Variants in CYRIB observed in about 807,000 individuals in gnomAD.
The protein encoded by CYRIB is CYFIP-related Rac1 interactor B.
A neutral mutation model predicts 44.2 loss-of-function variants in CYRIB; 8 were observed. The observed-to-expected ratio is 0.18, with a 90% CI of 0.11 to 0.33. The LOEUF (loss-of-function observed/expected upper bound fraction) is 0.33. Among genes scored for constraint, CYRIB ranks in the 10% least tolerant of loss-of-function variants. The pLI is 1.00. For missense variants in CYRIB, 185 were observed against 382.8 expected (o/e 0.48, Z 4.31); for synonymous variants, 131 against 127.2 (o/e 1.03, Z -0.20).
At chr8:129,936,497 G>A (rs1241604677) in intron 1 of CYRIB, among the ~76,000 whole-genome samples, 1 of 152,066 alleles carries the variant, frequency 6.6e-6, no homozygotes, top group African/African-American at 2.4e-5. Context: ...ACACATCCAA[G>A]AACATTTATG....
intron 10 of CYRIB, 117 bp downstream of exon 12, chr8:129,849,126 A>G: frequency 1.0e-6 from 1 of 969,482 alleles, no homozygotes. Flanking sequence ...ACCATTTCAC[A>G]AACTATAAAT....
exon 5 of CYRIB, chr8:129,862,314 A>G: frequency 6.2e-7 from 1 of 1,612,952 alleles, no homozygotes; most frequent in Non-Finnish European, 8.5e-7. Flanking sequence ...GCAACTTCTC[A>G]TCTGCTGGAT....
chr8:129,998,912 C>A (rs2096843847), intron 1 of CYRIB, among the ~76,000 whole-genome samples: 1 of 152,058 alleles, frequency 6.6e-6, no homozygotes, highest in African/African-American at 2.4e-5. Flanking sequence ...TCTCCTTCTT[C>A]TTTTTTTGAA....
At chr8:129,946,186 GAAAATTTTTT>G (rs2094128136) in intron 2 of CYRIB, among the ~76,000 whole-genome samples, 1 of 152,180 alleles carries the variant, frequency 6.6e-6, no homozygotes, top group Non-Finnish European at 1.5e-5. Context: ...CAAAGGATCT[GAAAATTTTTT>G]AGATCCTGAT....
At chr8:129,882,768 C>A (rs181899069) in intron 2 of CYRIB, among the ~76,000 whole-genome samples, 1 of 152,036 alleles carries the variant, frequency 6.6e-6, no homozygotes, top group South Asian at 2.1e-4. Context: ...TCCAGGCACC[C>A]GAGGCTAATG....
intron 1 of CYRIB, among the ~76,000 whole-genome samples, chr8:130,014,928 C>T (rs1017038861): frequency 7.2e-5 from 11 of 152,236 alleles, no homozygotes; most frequent in African/African-American, 2.4e-4. Flanking sequence ...CCATCCCAGA[C>T]GTCAGCCCTG....
In CYRIB at chr8:130,010,876, A is replaced by G. The variant is rs569748521; in HGVS notation, c.-296+5494T>C. Among the ~76,000 whole-genome samples, 3 of 152,262 alleles carry G rather than the reference A, an allele frequency of 2.0e-5. No individual in the cohort carries two copies. The South Asian group carries it at 6.2e-4, about 32-fold the overall frequency. On this transcript the variant is annotated intron_variant, in intron 1 of 14. Transcript: ENST00000401979. ...ATGGTCTACAATCCAGAGGCATCGC[A>G]TCATGTGCAAAAGTGTTCAAAATGC...
At chr8:129,891,101 T>C (rs908662067) in intron 2 of CYRIB, among the ~76,000 whole-genome samples, 1 of 152,124 alleles carries the variant, frequency 6.6e-6, no homozygotes, top group Non-Finnish European at 1.5e-5. Flanking sequence ...CAGTGCATTA[T>C]CTGGCCCCCT....
At chr8:129,985,933 CT>C (rs1414503419) in intron 1 of CYRIB, among the ~76,000 whole-genome samples, 2 of 152,204 alleles carry the variant, frequency 1.3e-5, no homozygotes, top group African/African-American at 4.8e-5. Context: ...ACCGGCATGG[CT>C]GCCCAGCTGT....
At chr8:129,852,271 CCTT>C in exon 8 of CYRIB, 1 of 1,557,810 alleles carries the variant, frequency 6.4e-7, no homozygotes, top group Non-Finnish European at 8.7e-7. Flanking sequence ...TTCATTTTCT[CCTT>C]CTGCCTGTGG....
intron 10 of CYRIB, 96 bp downstream of exon 12, chr8:129,849,147 T>C: frequency 8.4e-7 from 1 of 1,194,284 alleles, no homozygotes; most frequent in African/African-American, 1.5e-5. Context: ...CTGAGTTTTG[T>C]GAGAGTCCGG....
chr8:129,907,534 T>C (rs2076044167), intron 1 of CYRIB, among the ~76,000 whole-genome samples: 1 of 152,096 alleles, frequency 6.6e-6, no homozygotes, highest in Non-Finnish European at 1.5e-5. Context: ...ATGGCACATG[T>C]ATATGTATGT....
At chr8:129,876,815 A>C (rs532625189) in intron 3 of CYRIB, among the ~76,000 whole-genome samples, 2 of 150,940 alleles carry the variant, frequency 1.3e-5, no homozygotes, top group African/African-American at 2.4e-5. Flanking sequence ...CAGATTAATA[A>C]AACAGTAAAA....
chr8:129,894,413 C>G (rs1486902897), intron 2 of CYRIB: 1 of 152,200 alleles, frequency 6.6e-6, no homozygotes, highest in Admixed American at 6.5e-5. Flanking sequence ...TATGGGCCAT[C>G]TGTGAAGTGT....
At chr8:129,897,804 C>T (rs1476784365) in intron 2 of CYRIB, among the ~76,000 whole-genome samples, 1 of 151,952 alleles carries the variant, frequency 6.6e-6, no homozygotes, top group East Asian at 1.9e-4. Context: ...TCACTCTTGT[C>T]ACCCAGGCTG....
chr8:129,862,158 A>C, intron 5 of CYRIB, 71 bp downstream of exon 7: 1 of 1,146,008 alleles, frequency 8.7e-7, no homozygotes, highest in East Asian at 2.4e-5. Flanking sequence ...ACATAAAAAA[A>C]CTCTAAACTT....
chr8:129,914,595 C>G (rs1324419449), intron 1 of CYRIB, among the ~76,000 whole-genome samples: 2 of 152,190 alleles, frequency 1.3e-5, no homozygotes, highest in African/African-American at 2.4e-5. Flanking sequence ...GTTCTAATTA[C>G]TCTTGAAAAG....
chr8:129,872,359 A>G (rs187623592), intron 3 of CYRIB, among the ~76,000 whole-genome samples: 2 of 152,276 alleles, frequency 1.3e-5, no homozygotes, highest in Non-Finnish European at 2.9e-5. Flanking sequence ...ACACAAACAT[A>G]TGGGCATTTT....
chr8:129,962,105 C>T lies in CYRIB; in HGVS notation c.-243+8838G>A, dbSNP rs139694864. On this transcript the variant is annotated intron_variant, in intron 2 of 14. Transcript: ENST00000401979. Reference sequence around the variant, plus strand: ...CTCTAAACATACAAAAAATTAGCCACGCATGGTGCTGCTTGCCTGTGGTCC... The same window carrying T: ...CTCTAAACATACAAAAAATTAGCCATGCATGGTGCTGCTTGCCTGTGGTCC... 3.8e-3 allele frequency among the ~76,000 whole-genome samples: 572 copies of T among 152,010 alleles called. 3 individuals are homozygous for T. Among genetic ancestry groups the T allele is most frequent in the African/African-American group, 0.013 (532 of 41,470 alleles).
Sources: allele counts gnomAD v4.1 joint callset (sites outside exome capture counted in the v4.1 genomes callset), GRCh38; gene constraint gnomAD v4.1.1; transcripts MANE v1.5; gene names NCBI Gene and HGNC (gene_info 2026-07-23, HGNC 2026-07-21).